CLVS1: variants seen among roughly 807,000 people sequenced by gnomAD.
CLVS1 encodes clavesin 1.
In CLVS1, 10 loss-of-function variants were observed where a neutral mutation model predicts 33.1. The observed-to-expected ratio is 0.30, with a 90% CI of 0.19 to 0.51. CLVS1 has a LOEUF of 0.51. Ranked by LOEUF, CLVS1 falls within the 20% of genes least tolerant of loss-of-function variation. The pLI is 0.97. For synonymous variants in CLVS1, 163 were observed against 166.1 expected (o/e 0.98, Z 0.14); for missense variants, 343 against 433.4 (o/e 0.79, Z 1.85).
At chr8:61,276,109 G>T (rs1397514791) in intron 2 of CLVS1, among the ~76,000 whole-genome samples, 3 of 152,148 alleles carry the variant, frequency 2.0e-5, no homozygotes, top group Non-Finnish European at 4.4e-5. Context: ...ACCTATGCTT[G>T]GGATTTTCTA....
intron 3 of CLVS1, among the ~76,000 whole-genome samples, chr8:61,453,026 C>G (rs765554750): frequency 3.3e-4 from 50 of 152,108 alleles, no homozygotes; most frequent in Non-Finnish European, 5.7e-4. Flanking sequence ...GGGAGCAGCT[C>G]GCTGCTGAAC....
At chr8:61,448,280 T>C (rs998589835) in intron 3 of CLVS1, among the ~76,000 whole-genome samples, 5 of 152,276 alleles carry the variant, frequency 3.3e-5, no homozygotes, top group Non-Finnish European at 5.9e-5. Context: ...TGTAGGTTTA[T>C]GTTTCTTTCT....
At chr8:61,267,006 G>A (rs1348099909) in intron 2 of CLVS1, among the ~76,000 whole-genome samples, 5 of 152,246 alleles carry the variant, frequency 3.3e-5, no homozygotes, top group African/African-American at 1.2e-4. Context: ...GCTGCAGGAT[G>A]CAGAGACAGA....
At chr8:61,155,407 A>G (rs1437093782) in intron 2 of CLVS1, among the ~76,000 whole-genome samples, 6 of 152,174 alleles carry the variant, frequency 3.9e-5, no homozygotes, top group African/African-American at 1.4e-4. Context: ...TAGTACTACA[A>G]TATCTCCTTA....
At chr8:61,291,908 T>A (rs1033500987) in intron 1 of CLVS1, 8 of 170,422 alleles carry the variant, frequency 4.7e-5, no homozygotes, top group Admixed American at 3.3e-4. Context: ...CAGAGGCAAT[T>A]AACCTACCTC....
intron 5 of CLVS1, among the ~76,000 whole-genome samples, chr8:61,479,729 T>C (rs200738464): frequency 6.6e-6 from 1 of 152,162 alleles, no homozygotes. Context: ...TACCTTTGGT[T>C]TTTGATGTCG....
At chr8:60,992,812 G>A in the CLVS1 span, among the ~76,000 whole-genome samples, 1 of 152,194 alleles carries the variant, frequency 6.6e-6, no homozygotes, top group African/African-American at 2.4e-5. Flanking sequence ...TGACCCGTGA[G>A]GCAGGGAGAA....
intron 2 of CLVS1, among the ~76,000 whole-genome samples, chr8:61,326,753 A>G (rs1328812904): frequency 6.6e-6 from 1 of 152,146 alleles, no homozygotes; most frequent in Non-Finnish European, 1.5e-5. Flanking sequence ...AAGTACTATA[A>G]TCGATATTTA....
intron 2 of CLVS1, among the ~76,000 whole-genome samples, chr8:61,185,607 C>A (rs1807331175): frequency 6.6e-6 from 1 of 151,938 alleles, no homozygotes. Flanking sequence ...ATGTATATTT[C>A]TGACTTTTTA....
intron 2 of CLVS1, among the ~76,000 whole-genome samples, chr8:61,330,172 T>TCTCCAAGGCTGAGGA (rs1265782132): frequency 6.6e-6 from 1 of 151,994 alleles, no homozygotes; most frequent in Non-Finnish European, 1.5e-5. Context: ...GTGTGTACCA[T>TCTCCAAGGCTGAGGA]CTCCAAGGCT....
the CLVS1 span, among the ~76,000 whole-genome samples, chr8:61,035,844 C>G: frequency 6.6e-6 from 1 of 152,142 alleles, no homozygotes; most frequent in African/African-American, 2.4e-5. Context: ...AAACATTATC[C>G]TGACATACAA....
intron 2 of CLVS1, among the ~76,000 whole-genome samples, chr8:61,144,224 C>T (rs12541340): frequency 5.9e-4 from 89 of 152,014 alleles, no homozygotes; most frequent in East Asian, 4.8e-3. Flanking sequence ...CAACAGGCCC[C>T]GGTGTGTGAT....
At chr8:61,421,315 G>C (rs753682959) in intron 3 of CLVS1, among the ~76,000 whole-genome samples, 1 of 152,272 alleles carries the variant, frequency 6.6e-6, no homozygotes, top group South Asian at 2.1e-4. Context: ...AGTGGGCCTG[G>C]TGAGGAGTAT....
chr8:61,182,915 A>C (rs1807268244), intron 2 of CLVS1, among the ~76,000 whole-genome samples: 1 of 152,226 alleles, frequency 6.6e-6, no homozygotes, highest in African/African-American at 2.4e-5. Context: ...CATCAATGAT[A>C]GACTGGATAA....
intron 2 of CLVS1, among the ~76,000 whole-genome samples, chr8:61,278,752 C>T (rs1585743744): frequency 6.6e-6 from 1 of 152,170 alleles, no homozygotes; most frequent in East Asian, 1.9e-4. Context: ...TAGGGCTGTG[C>T]CCTTTAGAAT....
chr8:61,059,475 CATAT>C lies in CLVS1; in HGVS notation c.-243+2267_-243+2270del, dbSNP rs56322834. ...ACACACACATATACATACATACATA[CATAT>C]ATATATATATATATATATATACACA... On this transcript the variant is annotated intron_variant, in intron 1 of 2. Coordinates refer to the CLVS1 transcript ENST00000522621. Among the ~76,000 whole-genome samples, 133 of 50,200 alleles carry C rather than the reference CATAT, an allele frequency of 2.6e-3. 4 individuals are homozygous for C. Among genetic ancestry groups the C allele is most frequent in the Admixed American group, 0.015 (48 of 3,266 alleles). 32.9% of individuals were successfully genotyped at this position (50,200 alleles called of 152,430 possible).
chr8:61,039,481 A>G, the CLVS1 span, among the ~76,000 whole-genome samples: 8 of 152,174 alleles, frequency 5.3e-5, no homozygotes, highest in African/African-American at 1.7e-4. Flanking sequence ...GTACATGGCA[A>G]GGGTTTCCAC....
chr8:61,002,743 T>C, the CLVS1 span, among the ~76,000 whole-genome samples: 1 of 152,324 alleles, frequency 6.6e-6, no homozygotes, highest in East Asian at 1.9e-4. Context: ...TGCCTCCTTG[T>C]GGGCCACCAT....
chr8:61,216,473 G>T (rs1168271252), intron 2 of CLVS1, among the ~76,000 whole-genome samples: 1 of 152,176 alleles, frequency 6.6e-6, no homozygotes, highest in Non-Finnish European at 1.5e-5. Context: ...AGATGAAGAT[G>T]CTGTTTCAGT....
Sources: allele counts gnomAD v4.1 joint callset (sites outside exome capture counted in the v4.1 genomes callset), GRCh38; gene constraint gnomAD v4.1.1; transcripts MANE v1.5; gene names NCBI Gene and HGNC (gene_info 2026-07-23, HGNC 2026-07-21).